Variants in PTDSS2 observed in about 807,000 individuals in gnomAD.
The protein encoded by PTDSS2 is PSS-2.
Under a neutral mutation model 64.7 loss-of-function variants are expected in PTDSS2, and 41 were observed. The ratio of observed to expected loss-of-function variants is 0.63; its 90% CI spans 0.49 to 0.82. The LOEUF is 0.82. Ranked by LOEUF, PTDSS2 falls within the 40% of genes least tolerant of loss-of-function variation. PTDSS2 has a pLI of 0.00. For missense variants in PTDSS2, 485 were observed against 650.0 expected (o/e 0.75, Z 2.76); for synonymous variants, 297 against 277.8 (o/e 1.07, Z -0.69).
intron 2 of PTDSS2, among the ~76,000 whole-genome samples, chr11:466,294 G>A (rs1481774903): frequency 1.3e-5 from 2 of 152,084 alleles, no homozygotes; most frequent in African/African-American, 2.4e-5. Flanking sequence ...TTGCTGGGGA[G>A]GCCTCAGGAA....
intron 4 of PTDSS2, among the ~76,000 whole-genome samples, chr11:483,413 G>A (rs1166502261): frequency 2.6e-5 from 4 of 151,870 alleles, no homozygotes; most frequent in Non-Finnish European, 5.9e-5. Flanking sequence ...TGAGTTTTTC[G>A]TAGATCTCCC....
intron 1 of PTDSS2, chr11:451,609 T>C: frequency 1.2e-5 from 3 of 245,086 alleles, no homozygotes; most frequent in South Asian, 1.1e-4. Flanking sequence ...AAGGAAGGCT[T>C]TATGGACGCT....
At chr11:467,738 A>G (rs969994964) in intron 2 of PTDSS2, among the ~76,000 whole-genome samples, 3 of 151,742 alleles carry the variant, frequency 2.0e-5, no homozygotes, top group South Asian at 2.1e-4. Flanking sequence ...GTCTCAAAAA[A>G]TATAGATATA....
At chr11:486,253 C>T (rs549254016) in intron 4 of PTDSS2, among the ~76,000 whole-genome samples, 6 of 151,898 alleles carry the variant, frequency 4.0e-5, no homozygotes, top group Admixed American at 1.3e-4. Flanking sequence ...TCCACAAGGG[C>T]GACTCCTGTG....
At chr11:453,495 A>G (rs541079447) in intron 1 of PTDSS2, among the ~76,000 whole-genome samples, 1 of 152,278 alleles carries the variant, frequency 6.6e-6, no homozygotes, top group South Asian at 2.1e-4. Context: ...GGGTGCCTCA[A>G]ATGAGCCTTC....
At chr11:475,299 ATACGGC>A (rs1847728948) in intron 3 of PTDSS2, among the ~76,000 whole-genome samples, 5 of 149,668 alleles carry the variant, frequency 3.3e-5, no homozygotes, top group African/African-American at 4.9e-5. Flanking sequence ...CGTTTGTGTG[ATACGGC>A]CATATTCACG....
At position 490,587 on chromosome 11, in the gene PTDSS2, G is replaced by C. The variant is rs752610414; in HGVS notation, c.*5G>C. 2 of 1,578,578 alleles carry C rather than the reference G, an allele frequency of 1.3e-6. No homozygotes were observed. The highest frequency in any genetic ancestry group is 8.6e-7 in the Non-Finnish European group (1 of 1,162,442). On this transcript the variant is annotated 3_prime_UTR_variant, in exon 12 of 12. Coordinates refer to ENST00000308020, the MANE Select transcript of PTDSS2 (RefSeq NM_030783.3). ...GGAGCACCAACTCCAAACTGACCTGGGCCGTGGCTGCCTCGTGAGCCTCCC... is the reference window on the plus strand; with the variant it reads ...GGAGCACCAACTCCAAACTGACCTGCGCCGTGGCTGCCTCGTGAGCCTCCC...
At chr11:489,375 A>G (rs1389028521) in intron 8 of PTDSS2, 25 bp from the exon 9 acceptor site, 2 of 1,601,428 alleles carry the variant, frequency 1.2e-6, no homozygotes, top group Admixed American at 1.7e-5. Context: ...TGCCTTCCTC[A>G]GGCTGCCGGC....
chr11:459,979 G>C, intron 1 of PTDSS2: 1 of 555,694 alleles, frequency 1.8e-6, no homozygotes, highest in East Asian at 3.0e-5. Context: ...CAGCCTCCTG[G>C]GGGCTGGTCT....
chr11:469,890 G>T (rs368164533), intron 2 of PTDSS2, among the ~76,000 whole-genome samples: 5 of 152,220 alleles, frequency 3.3e-5, no homozygotes, highest in African/African-American at 1.2e-4. Context: ...ACGGGATTGC[G>T]TCCCAGTGAA....
chr11:453,700 G>C (rs1846456412), intron 1 of PTDSS2, among the ~76,000 whole-genome samples: 1 of 152,252 alleles, frequency 6.6e-6, no homozygotes, highest in African/African-American at 2.4e-5. Flanking sequence ...CGGTCCAGGA[G>C]CCTCTCGCAG....
chr11:455,774 T>C (rs1483963386), intron 1 of PTDSS2, among the ~76,000 whole-genome samples: 1 of 152,238 alleles, frequency 6.6e-6, no homozygotes, highest in Non-Finnish European at 1.5e-5. Flanking sequence ...TGTTTTAACC[T>C]CCCTAACCAC....
intron 2 of PTDSS2, 49 bp from the exon 3 acceptor site, chr11:473,846 C>T: frequency 7.0e-7 from 1 of 1,436,334 alleles, no homozygotes; most frequent in Non-Finnish European, 9.8e-7. Flanking sequence ...CACCTCCCTC[C>T]TGGGAGAAGC....
chr11:457,338 C>T (rs1320303534), intron 1 of PTDSS2, among the ~76,000 whole-genome samples: 1 of 152,246 alleles, frequency 6.6e-6, no homozygotes. Flanking sequence ...GTCTGCTTTT[C>T]GTGGATGCAA....
In PTDSS2 at chr11:450,374, T is replaced by TGTGTGCGGCGCGTCCTCTCGCC. The variant is rs1260244221; in HGVS notation, c.-80_-59dup. On this transcript the variant is annotated 5_prime_UTR_variant, in exon 1 of 12. The change abolishes the stop of an existing upstream ORF in the 5' untranslated region. Coordinates refer to ENST00000308020, the MANE Select transcript of PTDSS2 (RefSeq NM_030783.3). The stretch of plus-strand genomic sequence containing the variant: ...GACCCCTTCCCAGCGCTCCTCGCGC[T>TGTGTGCGGCGCGTCCTCTCGCC]GTGTGCGGCGCGTCCTCTCGCCGGT... 8 of 1,160,112 alleles carry TGTGTGCGGCGCGTCCTCTCGCC rather than the reference T, an allele frequency of 6.9e-6. No homozygotes were observed. The highest frequency in any genetic ancestry group is 3.3e-4 in the Middle Eastern group (1 of 3,006). The allele number at this position is 1,160,112 out of a possible 1,614,324, so 71.9% of individuals were successfully genotyped here. A position where few individuals can be genotyped will look rare whatever the true frequency, so the allele number is the denominator to read the frequency against.
chr11:488,189 G>A lies in PTDSS2; in HGVS notation c.622-10G>A. 15 of 1,603,674 alleles carry A rather than the reference G, an allele frequency of 9.4e-6. No homozygotes were observed. The highest frequency in any genetic ancestry group is 1.3e-5 in the Non-Finnish European group (15 of 1,171,414). ...GCGTCCCATACTCTGGCTGACCCTG[G>A]CGCCCACAGACCCTGATGATCCGAG... On this transcript the variant is annotated splice_polypyrimidine_tract_variant and intron_variant, in intron 6 of 11. Transcript: ENST00000308020.
chr11:452,867 A>T (rs1191523792), intron 1 of PTDSS2, among the ~76,000 whole-genome samples: 1 of 151,824 alleles, frequency 6.6e-6, no homozygotes, highest in Non-Finnish European at 1.5e-5. Context: ...TGTTTTAGAG[A>T]GTTTTACTTT....
chr11:451,386 T>A (rs765862613), intron 1 of PTDSS2: 3 of 446,858 alleles, frequency 6.7e-6, no homozygotes, highest in South Asian at 1.6e-5. Flanking sequence ...TCCCGACAGC[T>A]GCGACCCTGG....
intron 3 of PTDSS2, among the ~76,000 whole-genome samples, chr11:478,127 A>G (rs1170045639): frequency 6.6e-6 from 1 of 152,214 alleles, no homozygotes; most frequent in African/African-American, 2.4e-5. Context: ...CTGTTAATGT[A>G]ACTCATCACA....
Sources: gnomAD v4.1 joint callset for allele counts (sites outside exome capture counted in the v4.1 genomes callset) on GRCh38, gnomAD v4.1.1 for gene constraint, MANE v1.5 for transcripts, NCBI Gene and HGNC (gene_info 2026-07-23, HGNC 2026-07-21) for gene names.